The following PCDH9 variants were observed in gnomAD, a reference collection of about 807,000 sequenced individuals.
PCDH9 encodes protocadherin-9.
Under a neutral mutation model 70.6 loss-of-function variants are expected in PCDH9, and 24 were observed. The ratio of observed to expected loss-of-function variants is 0.34; its 90% CI spans 0.25 to 0.48. PCDH9 has a LOEUF of 0.48. Among genes scored for constraint, PCDH9 ranks in the 20% least tolerant of loss-of-function variants. PCDH9 has a pLI of 0.99. For synonymous variants in PCDH9, 562 were observed against 558.5 expected (o/e 1.01, Z -0.09); for missense variants, 1,281 against 1,503.6 (o/e 0.85, Z 2.45).
At chr13:66,902,535 G>A (rs1458345822) in intron 3 of PCDH9, among the ~76,000 whole-genome samples, 2 of 150,752 alleles carry the variant, frequency 1.3e-5, no homozygotes, top group Non-Finnish European at 3.0e-5. Context: ...GAATGGAGGG[G>A]ACCTACGTTC....
At chr13:66,733,650 A>C (rs1277701049) in intron 3 of PCDH9, among the ~76,000 whole-genome samples, 1 of 147,672 alleles carries the variant, frequency 6.8e-6, no homozygotes, top group Non-Finnish European at 1.5e-5. Context: ...TGGCATTTTC[A>C]TATATAGAAA....
intron 2 of PCDH9, among the ~76,000 whole-genome samples, chr13:67,184,041 T>C (rs1455303709): frequency 2.0e-5 from 3 of 152,228 alleles, no homozygotes; most frequent in East Asian, 1.9e-4. Context: ...ATCCTGAATG[T>C]TGCATTTGCG....
intron 3 of PCDH9, among the ~76,000 whole-genome samples, chr13:66,840,914 G>A (rs1382721358): frequency 6.6e-6 from 1 of 152,176 alleles, no homozygotes; most frequent in Non-Finnish European, 1.5e-5. Flanking sequence ...ACTAATTAGA[G>A]AGAGATGAAG....
chr13:66,888,427 G>C (rs1448975213), intron 3 of PCDH9, among the ~76,000 whole-genome samples: 8 of 151,830 alleles, frequency 5.3e-5, no homozygotes, highest in African/African-American at 1.9e-4. Context: ...GCTTGAGCCT[G>C]CACCAAGGAA....
At chr13:66,842,116 T>C (rs2081125988) in intron 3 of PCDH9, among the ~76,000 whole-genome samples, 1 of 152,144 alleles carries the variant, frequency 6.6e-6, no homozygotes, top group South Asian at 2.1e-4. Context: ...ATATGATACT[T>C]TACTAACATC....
chr13:67,057,917 CAT>C (rs1389564770), intron 2 of PCDH9, among the ~76,000 whole-genome samples: 7 of 152,036 alleles, frequency 4.6e-5, no homozygotes, highest in African/African-American at 1.7e-4. Context: ...TTTTCTGACT[CAT>C]AGTGTTCTCT....
chr13:66,558,472 T>G (rs1027140211), intron 4 of PCDH9, among the ~76,000 whole-genome samples: 16 of 152,142 alleles, frequency 1.1e-4, no homozygotes, highest in African/African-American at 2.9e-4. Flanking sequence ...GGGCCTCTGG[T>G]GAGATCCCAT....
At chr13:66,702,687 A>T (rs1221776878) in intron 3 of PCDH9, among the ~76,000 whole-genome samples, 1 of 152,198 alleles carries the variant, frequency 6.6e-6, no homozygotes, top group Non-Finnish European at 1.5e-5. Context: ...ATATCAAAAC[A>T]TCATGTTGTA....
chr13:66,419,984 G>A (rs925046282), intron 4 of PCDH9, among the ~76,000 whole-genome samples: 2 of 152,082 alleles, frequency 1.3e-5, no homozygotes, highest in South Asian at 4.1e-4. Context: ...CAGCTTGGTG[G>A]GGGGAGGGGC....
At chr13:67,190,876 GA>G (rs2088892410) in intron 2 of PCDH9, among the ~76,000 whole-genome samples, 1 of 152,036 alleles carries the variant, frequency 6.6e-6, no homozygotes, top group South Asian at 2.1e-4. Context: ...AATGTCAGAT[GA>G]AAGCACACTT....
intron 4 of PCDH9, among the ~76,000 whole-genome samples, chr13:66,618,866 C>T (rs1290385149): frequency 6.6e-6 from 1 of 152,068 alleles, no homozygotes; most frequent in Non-Finnish European, 1.5e-5. Context: ...AATGAGATTC[C>T]ATGCAGTACA....
intron 3 of PCDH9, among the ~76,000 whole-genome samples, chr13:66,724,506 G>C (rs1361788789): frequency 2.0e-5 from 3 of 152,044 alleles, no homozygotes; most frequent in African/African-American, 4.8e-5. Context: ...GAGAATGAAG[G>C]TGCAAAGTCT....
intron 2 of PCDH9, among the ~76,000 whole-genome samples, chr13:67,168,526 A>G (rs1328277045): frequency 6.6e-6 from 1 of 152,072 alleles, no homozygotes; most frequent in Non-Finnish European, 1.5e-5. Flanking sequence ...CAGGAGTTCA[A>G]CGCCAGCCTG....
intron 4 of PCDH9, among the ~76,000 whole-genome samples, chr13:66,588,827 A>G (rs1368239914): frequency 6.6e-6 from 1 of 151,922 alleles, no homozygotes; most frequent in Non-Finnish European, 1.5e-5. Context: ...GAAGTTAAAA[A>G]AAAAAACTAC....
chr13:66,624,183 TTG>T (rs541837296), intron 4 of PCDH9, among the ~76,000 whole-genome samples: 55 of 152,352 alleles, frequency 3.6e-4, no homozygotes, highest in African/African-American at 1.3e-3. Context: ...TTGTCTGCTT[TTG>T]AATTAGTGAA....
intron 3 of PCDH9, among the ~76,000 whole-genome samples, chr13:66,809,708 G>C (rs1020533447): frequency 3.3e-5 from 5 of 152,032 alleles, no homozygotes; most frequent in Non-Finnish European, 7.4e-5. Flanking sequence ...GTCTTGCTCT[G>C]TTTACAGACT....
intron 2 of PCDH9, among the ~76,000 whole-genome samples, chr13:67,117,707 A>G (rs2086804373): frequency 6.6e-6 from 1 of 152,134 alleles, no homozygotes; most frequent in South Asian, 2.1e-4. Context: ...AATAATATAA[A>G]TGTCCAATTT....
At chr13:66,968,412 T>A (rs1276943374) in intron 2 of PCDH9, among the ~76,000 whole-genome samples, 1 of 152,012 alleles carries the variant, frequency 6.6e-6, no homozygotes, top group Non-Finnish European at 1.5e-5. Context: ...GGCATTCTCA[T>A]CACAGCATGA....
intron 3 of PCDH9, among the ~76,000 whole-genome samples, chr13:66,734,844 AT>A (rs1415018400): frequency 6.6e-6 from 1 of 152,142 alleles, no homozygotes; most frequent in Non-Finnish European, 1.5e-5. Flanking sequence ...AGCACTTAGT[AT>A]GTACTAAAGC....
Sources: allele counts gnomAD v4.1 joint callset (sites outside exome capture counted in the v4.1 genomes callset), GRCh38; gene constraint gnomAD v4.1.1; transcripts MANE v1.5; gene names NCBI Gene and HGNC (gene_info 2026-07-23, HGNC 2026-07-21).